Variants in ANKRD11 observed in about 807,000 individuals in gnomAD.
The protein encoded by ANKRD11 is ankyrin repeat domain-containing protein 11.
In ANKRD11, 17 loss-of-function variants were observed where a neutral mutation model predicts 195.7. The ratio of observed to expected loss-of-function variants is 0.09; its 90% CI spans 0.06 to 0.13. ANKRD11 has a LOEUF of 0.13. Among genes scored for constraint, ANKRD11 ranks in the 10% least tolerant of loss-of-function variants. The pLI is 1.00. For missense variants in ANKRD11, 3,735 were observed against 3,566.1 expected (o/e 1.05, Z -1.21); for synonymous variants, 1,953 against 1,528.1 (o/e 1.28, Z -6.49).
At chr16:89,293,806 A>T (rs1318072726) in intron 4 of ANKRD11, among the ~76,000 whole-genome samples, 1 of 152,010 alleles carries the variant, frequency 6.6e-6, no homozygotes, top group Non-Finnish European at 1.5e-5. Context: ...TACATCCCGA[A>T]GTGCAGGCGT....
chr16:89,334,217 C>T (rs1051208196), intron 2 of ANKRD11, among the ~76,000 whole-genome samples: 7 of 149,718 alleles, frequency 4.7e-5, no homozygotes, highest in Middle Eastern at 3.4e-3. Context: ...TCCCAAGCTG[C>T]GGGCTCAGGA....
At chr16:89,336,306 A>T (rs1158954978) in intron 2 of ANKRD11, among the ~76,000 whole-genome samples, 1 of 152,186 alleles carries the variant, frequency 6.6e-6, no homozygotes, top group Non-Finnish European at 1.5e-5. Context: ...AAATGCACAC[A>T]CGCCAGGGCA....
chr16:89,291,134 C>G lies in ANKRD11; in HGVS notation c.276G>C (p.Arg92=). 6.2e-7 allele frequency: 1 copy of G among 1,614,014 alleles called. No homozygotes were observed. The highest frequency in any genetic ancestry group is 1.3e-5 in the African/African-American group (1 of 75,042). The change falls in exon 5 of 13, where the codon CGG becomes CGC. Residue 92 remains arginine, a synonymous_variant. Coordinates refer to ENST00000301030, the MANE Select transcript of ANKRD11 (RefSeq NM_013275.6). This position sits in a 1 kb window ranked among gnomAD's most constrained non-coding sequence, Gnocchi z 5.3. ...RKRIKKEPVT[R]KAGLLFGMGL... is the part of the protein sequence containing the mutation. ...CCATGCCAAACAGCAGCCCGGCCTT[C>G]CGGGTGACAGGCTCCTTCTTAATCC... is the stretch of plus-strand genomic sequence containing the variant.
At chr16:89,339,395 A>C (rs918011110) in intron 2 of ANKRD11, among the ~76,000 whole-genome samples, 14 of 152,174 alleles carry the variant, frequency 9.2e-5, no homozygotes, top group African/African-American at 3.1e-4. Context: ...AGAAACCAAG[A>C]ACTGGGAAAG....
At chr16:89,346,248 A>T (rs1442486421) in intron 2 of ANKRD11, among the ~76,000 whole-genome samples, 1 of 103,404 alleles carries the variant, frequency 9.7e-6, no homozygotes, top group Admixed American at 9.3e-5. Flanking sequence ...ACCCCGTCTC[A>T]GGAAAAAAAA....
Position 89,349,861 on chromosome 16 carries a change from A to AACACAC in ANKRD11, c.-59-32789_-59-32784dup, listed in dbSNP as rs34592614. Among the ~76,000 whole-genome samples the AACACAC allele has an allele frequency of 1.1e-3, 141 of 133,236 alleles. 1 individual carries two copies. Among genetic ancestry groups the AACACAC allele is most frequent in the East Asian group, 4.1e-3 (19 of 4,656 alleles). The allele number at this position is 133,236 out of a possible 152,430, so 87.4% of individuals were successfully genotyped here. On this transcript the variant is annotated intron_variant, in intron 2 of 12. Transcript: ENST00000301030. ...AAAATACAGGCCAAATACTTGTTAA[A>AACACAC]ACACACACACACACACACACACACA...
At chr16:89,319,071 C>A (rs1377734147) in intron 2 of ANKRD11, among the ~76,000 whole-genome samples, 2 of 152,224 alleles carry the variant, frequency 1.3e-5, no homozygotes, top group Non-Finnish European at 2.9e-5. Context: ...TAAGGATTAT[C>A]TGGAATTAAC....
At chr16:89,438,799 A>T (rs1379753509) in intron 1 of ANKRD11, among the ~76,000 whole-genome samples, 1 of 152,120 alleles carries the variant, frequency 6.6e-6, no homozygotes, top group Non-Finnish European at 1.5e-5. Flanking sequence ...TGATCCCAGA[A>T]GTTCAAGGCC....
intron 1 of ANKRD11, among the ~76,000 whole-genome samples, chr16:89,452,893 C>G (rs1266657864): frequency 6.6e-6 from 1 of 151,372 alleles, no homozygotes; most frequent in Non-Finnish European, 1.5e-5. Context: ...TTGAAAGAAA[C>G]TGCACACGCC....
chr16:89,305,134 A>G (rs190773311), intron 4 of ANKRD11, 72 bp downstream of exon 4: 3 of 1,579,446 alleles, frequency 1.9e-6, no homozygotes, highest in African/African-American at 1.3e-5. Context: ...TGCGGGGGCC[A>G]GGGACGCCCT....
intron 2 of ANKRD11, among the ~76,000 whole-genome samples, chr16:89,389,769 G>T (rs1835865984): frequency 6.9e-6 from 1 of 144,246 alleles, no homozygotes; most frequent in African/African-American, 2.6e-5. Context: ...CGAGAGAGAA[G>T]ATCACTGGGG....
At chr16:89,372,161 C>T (rs1341529740) in intron 2 of ANKRD11, among the ~76,000 whole-genome samples, 2 of 152,196 alleles carry the variant, frequency 1.3e-5, no homozygotes, top group Non-Finnish European at 2.9e-5. Context: ...GAAGAAGGAC[C>T]GGCGCCCACT....
In ANKRD11 at chr16:89,406,736, C is replaced by T. The variant is rs576695948; in HGVS notation, c.-60+11548G>A. On this transcript the variant is annotated intron_variant, in intron 2 of 12. Coordinates refer to ENST00000301030, the MANE Select transcript of ANKRD11 (RefSeq NM_013275.6). ...AAGATGGACCTCAGTGCCTCCTTCA[C>T]GCTGATAAGCGATCCCACCAAGCAT... Among the ~76,000 whole-genome samples the T allele has an allele frequency of 1.4e-3, 218 of 152,304 alleles. 1 individual carries two copies. The highest frequency in any genetic ancestry group is 4.9e-3 in the African/African-American group (202 of 41,568).
intron 1 of ANKRD11, among the ~76,000 whole-genome samples, chr16:89,456,172 G>A (rs1018001908): frequency 6.6e-6 from 1 of 151,602 alleles, no homozygotes; most frequent in South Asian, 2.1e-4. Context: ...CCCAGGAGGC[G>A]GATGTTGCAG....
chr16:89,461,604 G>A (rs1262349919), intron 1 of ANKRD11, among the ~76,000 whole-genome samples: 1 of 152,126 alleles, frequency 6.6e-6, no homozygotes, highest in Non-Finnish European at 1.5e-5. Context: ...GCCTCCGAAA[G>A]TGCTGAGACT....
rs1328440181 is a variant in ANKRD11, at chr16:89,270,914, G to A, written c.7714-5C>T. ...CACTGACTTGTTCTCGTCACCCTGTGGAAACCAAACACGGGAGTTTCATCA... is the reference window on the plus strand; with the variant it reads ...CACTGACTTGTTCTCGTCACCCTGTAGAAACCAAACACGGGAGTTTCATCA... On this transcript the variant is annotated splice_polypyrimidine_tract_variant and splice_region_variant and intron_variant, in intron 11 of 12. Transcript: ENST00000301030. 1.9e-6 allele frequency: 3 copies of A among 1,613,916 alleles called. No homozygotes were observed. Among genetic ancestry groups the A allele is most frequent in the Non-Finnish European group, 2.5e-6 (3 of 1,179,934 alleles).
At position 89,291,269 on chromosome 16, in the gene ANKRD11, C is replaced by T. The variant is rs530400088; in HGVS notation, c.227-86G>A. ...TAGGTCCTTACCTAATGTTACGGAG[C>T]CCCCTGCGTCCACCTGACAGCTGAC... is the stretch of plus-strand genomic sequence containing the variant. On this transcript the variant is annotated intron_variant, in intron 4 of 12. Transcript: ENST00000301030. The surrounding 1 kb of genome is among the most constrained non-coding windows in gnomAD (Gnocchi z 5.3). The T allele has an allele frequency of 1.7e-3, 2,598 of 1,499,248 alleles. 3 individuals carry two copies. Among genetic ancestry groups the T allele is most frequent in the Non-Finnish European group, 2.0e-3 (2,181 of 1,096,392 alleles). 92.9% of individuals were successfully genotyped at this position (1,499,248 alleles called of 1,614,324 possible). A position where few individuals can be genotyped will look rare whatever the true frequency, so the allele number is the denominator to read the frequency against.
intron 1 of ANKRD11, among the ~76,000 whole-genome samples, chr16:89,485,860 G>GA (rs1202166749): frequency 6.6e-6 from 1 of 152,114 alleles, no homozygotes; most frequent in Non-Finnish European, 1.5e-5. Context: ...CCGGACAAAC[G>GA]AGACACTTAA....
intron 2 of ANKRD11, among the ~76,000 whole-genome samples, chr16:89,318,262 G>C (rs1018496900): frequency 1.3e-5 from 2 of 152,138 alleles, no homozygotes; most frequent in Non-Finnish European, 2.9e-5. Flanking sequence ...CCCTGCCTGT[G>C]GGCCTTCTAG....
Sources: allele counts gnomAD v4.1 joint callset (sites outside exome capture counted in the v4.1 genomes callset), GRCh38; gene constraint gnomAD v4.1.1; non-coding constraint Gnocchi (gnomAD v3.1); transcripts MANE v1.5; gene names NCBI Gene and HGNC (gene_info 2026-07-23, HGNC 2026-07-21).